Variants in FRMPD4 observed in about 807,000 individuals in gnomAD.
The protein encoded by FRMPD4 is FERM and PDZ domain containing 4.
FRMPD4 carries 22 observed loss-of-function variants against 94.1 expected under a neutral mutation model. The observed-to-expected ratio is 0.23, with a 90% confidence interval of 0.17 to 0.33. The LOEUF (loss-of-function observed/expected upper bound fraction) is 0.33, where lower values mean the gene tolerates loss of function less well. Among genes scored for constraint, FRMPD4 ranks in the 10% least tolerant of loss-of-function variants. The pLI is 1.00. For synonymous variants in FRMPD4, 631 were observed against 548.6 expected (o/e 1.15, Z -2.10); for missense variants, 1,111 against 1,339.9 (o/e 0.83, Z 2.67).
chrX:12,556,829 A>G (rs189148507), intron 2 of FRMPD4, among the ~76,000 whole-genome samples: 32 of 98,909 alleles, frequency 3.2e-4, no homozygotes, highest in Non-Finnish European at 5.4e-4. Flanking sequence ...AGACAAATTA[A>G]TAAGAGAAAG....
intron 1 of FRMPD4, among the ~76,000 whole-genome samples, chrX:12,472,493 C>T (rs1359950939): frequency 8.9e-6 from 1 of 111,909 alleles, no homozygotes; most frequent in Non-Finnish European, 1.9e-5. Flanking sequence ...CGCATAGGCT[C>T]ATCCTGGGGT....
intron 3 of FRMPD4, among the ~76,000 whole-genome samples, chrX:12,040,688 C>T (rs1473672070): frequency 6.6e-5 from 7 of 105,627 alleles, no homozygotes; most frequent in East Asian, 3.0e-4. Flanking sequence ...CCACCATGCC[C>T]GGTGGGGTTT....
chrX:12,133,808 C>T (rs1325705946), upstream of FRMPD4, among the ~76,000 whole-genome samples: 1 of 111,544 alleles, frequency 9.0e-6, no homozygotes, highest in African/African-American at 3.3e-5. Context: ...CCTGCCCTCA[C>T]ACTCACTTCC....
intron 1 of FRMPD4, among the ~76,000 whole-genome samples, chrX:12,479,424 G>GTATA (rs200161718): frequency 6.8e-4 from 47 of 68,791 alleles, no homozygotes; most frequent in East Asian, 1.1e-3. Context: ...ACATATATAC[G>GTATA]TATATATATA....
intron 3 of FRMPD4, among the ~76,000 whole-genome samples, chrX:11,987,030 G>C (rs190771730): frequency 1.0e-5 from 1 of 98,521 alleles, no homozygotes; most frequent in African/African-American, 3.8e-5. Flanking sequence ...GAGAGGAGGA[G>C]GGCAAACTTC....
At chrX:12,568,487 C>T (rs2058733068) in intron 2 of FRMPD4, among the ~76,000 whole-genome samples, 1 of 112,210 alleles carries the variant, frequency 8.9e-6, no homozygotes, top group African/African-American at 3.2e-5. Context: ...CATATCAACA[C>T]ACAAAGAGCT....
chrX:11,823,882 C>G (rs1001792973), intron 1 of FRMPD4, among the ~76,000 whole-genome samples: 2 of 111,566 alleles, frequency 1.8e-5, no homozygotes, highest in Non-Finnish European at 3.8e-5. Flanking sequence ...GTTTGCTCAT[C>G]CTTGCACTGT....
At chrX:12,355,836 G>A (rs960198279) in intron 1 of FRMPD4, among the ~76,000 whole-genome samples, 4 of 111,666 alleles carry the variant, frequency 3.6e-5, no homozygotes, top group Non-Finnish European at 7.5e-5. Context: ...ACTGGAAATC[G>A]ACTCACAAAA....
rs778209520 is a variant in FRMPD4 at position 12,026,571 on chromosome X, T to C, written c.95+148553T>C. Among the ~76,000 whole-genome samples the C allele has an allele frequency of 1.2e-4, 14 of 112,368 alleles. No homozygotes were observed. The South Asian group carries it at 4.5e-3, about 36-fold the overall frequency. On this transcript the variant is annotated intron_variant, in intron 3 of 18. Coordinates refer to the FRMPD4 transcript ENST00000640291. ...TCCCAACTTGTTTAAGGCATAATTT[T>C]CAAGCACTGTGCAGAAAGTGGTGGT...
intron 2 of FRMPD4, among the ~76,000 whole-genome samples, chrX:12,569,826 T>C (rs2058745378): frequency 8.9e-6 from 1 of 112,055 alleles, no homozygotes; most frequent in South Asian, 3.7e-4. Context: ...ACTAGCATTT[T>C]AGTGTATCTA....
chrX:11,901,224 T>C (rs1241506818), intron 3 of FRMPD4, among the ~76,000 whole-genome samples: 4 of 111,629 alleles, frequency 3.6e-5, no homozygotes, highest in Admixed American at 9.5e-5. Context: ...GTACCCAATA[T>C]GTAGTATTTT....
intron 1 of FRMPD4, among the ~76,000 whole-genome samples, chrX:12,278,905 C>T (rs1481131031): frequency 8.9e-6 from 1 of 112,190 alleles, no homozygotes; most frequent in East Asian, 2.8e-4. Flanking sequence ...CTACAGCAGT[C>T]ACATATTTTA....
chrX:12,661,255 A>T (rs2148486821), intron 4 of FRMPD4, among the ~76,000 whole-genome samples: 1 of 112,656 alleles, frequency 8.9e-6, no homozygotes, highest in South Asian at 3.7e-4. Flanking sequence ...AGACAAAAAA[A>T]GATAAGCAAT....
At chrX:12,265,754 C>G (rs190380060) in intron 1 of FRMPD4, among the ~76,000 whole-genome samples, 118 of 108,647 alleles carry the variant, frequency 1.1e-3, no homozygotes, top group African/African-American at 3.7e-3. Context: ...AGTTAAGAAC[C>G]CCCCCCCAAA....
At chrX:12,676,610 G>A (rs1272206415) in intron 5 of FRMPD4, among the ~76,000 whole-genome samples, 2 of 112,265 alleles carry the variant, frequency 1.8e-5, no homozygotes. Flanking sequence ...ACCTCATGCA[G>A]TAAACTTAGA....
intron 2 of FRMPD4, among the ~76,000 whole-genome samples, chrX:12,499,054 G>A (rs2057887723): frequency 9.0e-6 from 1 of 110,955 alleles, no homozygotes; most frequent in Non-Finnish European, 1.9e-5. Context: ...ACAAGTCACT[G>A]TGTAGCATGG....
At chrX:12,649,816 G>A (rs1271828619) in intron 4 of FRMPD4, among the ~76,000 whole-genome samples, 5 of 112,716 alleles carry the variant, frequency 4.4e-5, no homozygotes, top group Non-Finnish European at 9.4e-5. Flanking sequence ...ACCATCCCTT[G>A]TTCCTCTCTG....
chrX:12,270,155 T>C (rs965530689), intron 1 of FRMPD4, among the ~76,000 whole-genome samples: 1 of 112,191 alleles, frequency 8.9e-6, no homozygotes, highest in East Asian at 2.8e-4. Context: ...ACATGTAGAA[T>C]TTCTTTTTTT....
chrX:12,221,920 A>T (rs1222938311), intron 1 of FRMPD4, among the ~76,000 whole-genome samples: 2 of 112,454 alleles, frequency 1.8e-5, no homozygotes, highest in Non-Finnish European at 3.7e-5. Context: ...GATGATGTTT[A>T]TGAAGATTTT....
Sources: gnomAD v4.1 joint callset for allele counts (sites outside exome capture counted in the v4.1 genomes callset) on GRCh38, gnomAD v4.1.1 for gene constraint, MANE v1.5 for transcripts, NCBI Gene and HGNC (gene_info 2026-07-23, HGNC 2026-07-21) for gene names.